The following KIAA1958 variants were observed in gnomAD, a reference collection of about 807,000 sequenced individuals.
KIAA1958 encodes KIAA1958, also known as uncharacterized protein KIAA1958.
A neutral mutation model predicts 47.2 loss-of-function variants in KIAA1958; 14 were observed. The ratio of observed to expected loss-of-function variants is 0.30; its 90% CI spans 0.20 to 0.46. The LOEUF is 0.46. Among genes scored for constraint, KIAA1958 ranks in the 20% least tolerant of loss-of-function variants. KIAA1958 has a pLI of 1.00. For synonymous variants in KIAA1958, 354 were observed against 353.3 expected (o/e 1.00, Z -0.02); for missense variants, 803 against 909.2 (o/e 0.88, Z 1.50).
chr9:112,516,757 G>GA lies in KIAA1958; in HGVS notation c.-25+29645dup, dbSNP rs778120153. Reference sequence around the variant, plus strand: ...TACTGGTATAAGAATTGTTGTTAAAGAAAAAACCTTAGACAAATTAAATTT... The same window carrying GA: ...TACTGGTATAAGAATTGTTGTTAAAGAAAAAAACCTTAGACAAATTAAATTT... On this transcript the variant is annotated intron_variant, in intron 1 of 3. Transcript: ENST00000337530. Among the ~76,000 whole-genome samples the GA allele has an allele frequency of 3.1e-4, 47 of 152,234 alleles. No individual in the cohort carries two copies. In the East Asian group the frequency reaches 8.5e-3, roughly 27 times the overall value.
At chr9:112,487,937 G>C (rs1833894393) in intron 1 of KIAA1958, among the ~76,000 whole-genome samples, 1 of 79,740 alleles carries the variant, frequency 1.3e-5, no homozygotes, top group African/African-American at 6.6e-5. Flanking sequence ...TATGTATTTA[G>C]TGTGTGTGCG....
At chr9:112,527,392 A>G (rs752810379) in intron 1 of KIAA1958, among the ~76,000 whole-genome samples, 1 of 152,186 alleles carries the variant, frequency 6.6e-6, no homozygotes, top group African/African-American at 2.4e-5. Context: ...AAGGAGCTTG[A>G]TATTTTTAAG....
intron 3 of KIAA1958, among the ~76,000 whole-genome samples, chr9:112,655,994 G>C (rs995708841): frequency 1.3e-4 from 20 of 152,094 alleles, no homozygotes; most frequent in Non-Finnish European, 2.4e-4. Context: ...GGGAGTGTCT[G>C]GTGGGAAAGG....
At chr9:112,551,088 T>A (rs1194720744) in intron 1 of KIAA1958, among the ~76,000 whole-genome samples, 2 of 151,962 alleles carry the variant, frequency 1.3e-5, no homozygotes, top group African/African-American at 4.8e-5. Flanking sequence ...TTTCCCTGTT[T>A]TACTATGAGT....
At chr9:112,616,472 T>TAG (rs1313303934) in intron 2 of KIAA1958, among the ~76,000 whole-genome samples, 5 of 152,224 alleles carry the variant, frequency 3.3e-5, no homozygotes, top group African/African-American at 1.2e-4. Context: ...ATGTGGTAAT[T>TAG]AGAAAGACTT....
At chr9:112,615,054 A>G (rs1303814960) in intron 2 of KIAA1958, among the ~76,000 whole-genome samples, 14 of 152,214 alleles carry the variant, frequency 9.2e-5, no homozygotes, top group Non-Finnish European at 2.1e-4. Flanking sequence ...TTTTAAATTG[A>G]CACCCAAAGG....
At position 112,618,310 on chromosome 9, in the gene KIAA1958, T is replaced by C. The variant is rs988995331; in HGVS notation, c.1172-27340T>C. 7.1e-6 allele frequency: 11 copies of C among 1,551,028 alleles called. No homozygotes were observed. The highest frequency in any genetic ancestry group is 2.0e-5 in the Admixed American group (1 of 50,982). ...GGAAAAGGGGACTGCTAAGCCGATA[T>C]AACCCCGAGGGTTTGCTCAACCTAG... On this transcript the variant is annotated intron_variant, in intron 2 of 3. Transcript: ENST00000337530. This position sits in a 1 kb window ranked among gnomAD's most constrained non-coding sequence, Gnocchi z 7.1.
intron 2 of KIAA1958, among the ~76,000 whole-genome samples, chr9:112,615,247 C>T (rs563197777): frequency 7.9e-5 from 12 of 151,786 alleles, no homozygotes; most frequent in African/African-American, 2.4e-4. Context: ...ATGGTGAAAC[C>T]GCATCTCTAC....
chr9:112,508,193 A>T (rs903938723), intron 1 of KIAA1958, among the ~76,000 whole-genome samples: 1 of 152,198 alleles, frequency 6.6e-6, no homozygotes. Flanking sequence ...CGGAGCTTCC[A>T]GGGAAAATTT....
rs10981458 is a variant in KIAA1958 at position 112,622,728 on chromosome 9, T to C, written c.1172-22922T>C. 8.1e-4 allele frequency among the ~76,000 whole-genome samples: 123 copies of C among 152,346 alleles called. 3 individuals are homozygous for C. In the East Asian group the frequency reaches 0.02, roughly 25 times the overall value. On this transcript the variant is annotated intron_variant, in intron 2 of 3. Transcript: ENST00000337530. ...TGGCATACATTTGATCTCTTTGGTT[T>C]TTCAGTTAGATTATTATTAGCTGAA...
chr9:112,539,532 G>C (rs1238895072), intron 1 of KIAA1958, among the ~76,000 whole-genome samples: 1 of 152,014 alleles, frequency 6.6e-6, no homozygotes, highest in Non-Finnish European at 1.5e-5. Flanking sequence ...GGGTTGGGAG[G>C]GGGTAATTAG....
intron 1 of KIAA1958, among the ~76,000 whole-genome samples, chr9:112,549,515 C>G (rs1010724099): frequency 6.6e-6 from 1 of 152,136 alleles, no homozygotes; most frequent in African/African-American, 2.4e-5. Context: ...TTAGTTAGTC[C>G]ACAAGTATTT....
At chr9:112,556,284 A>G (rs1243448190) in intron 1 of KIAA1958, among the ~76,000 whole-genome samples, 3 of 152,130 alleles carry the variant, frequency 2.0e-5, no homozygotes, top group Non-Finnish European at 4.4e-5. Flanking sequence ...TCTCTCTACC[A>G]CGCCTCCATA....
At chr9:112,556,112 T>TG (rs1241854811) in intron 1 of KIAA1958, among the ~76,000 whole-genome samples, 1 of 152,246 alleles carries the variant, frequency 6.6e-6, no homozygotes, top group East Asian at 1.9e-4. Flanking sequence ...AAAACCGCAA[T>TG]GGGGATTAGT....
rs1834542667 is a variant in KIAA1958, at chr9:112,521,473, CA to C, written c.-25+34358del. ...AAGTGACCCTCCCACGTTGGCCTCC[CA>C]AAGAGCTAGAATTACAGGCGTGAGC... is the stretch of plus-strand genomic sequence containing the variant. On this transcript the variant is annotated intron_variant, in intron 1 of 3. Transcript: ENST00000337530. Among the ~76,000 whole-genome samples the C allele has an allele frequency of 2.0e-5, 3 of 152,156 alleles. No individual in the cohort carries two copies. The South Asian group carries it at 6.2e-4, about 32-fold the overall frequency.
chr9:112,569,175 CT>C (rs1232395696), intron 1 of KIAA1958, among the ~76,000 whole-genome samples: 1 of 151,974 alleles, frequency 6.6e-6, no homozygotes, highest in African/African-American at 2.4e-5. Context: ...TTTTGAAATT[CT>C]TGTATGATTC....
rs12335450 is a variant in KIAA1958, at chr9:112,505,097, T to C, written c.-25+17979T>C. Among the ~76,000 whole-genome samples, 5 of 152,178 alleles carry C rather than the reference T, an allele frequency of 3.3e-5. No homozygotes were observed. The East Asian group carries it at 7.7e-4, about 24-fold the overall frequency. Reference sequence around the variant, plus strand: ...TCTGTCTTTCCATTCTCTACCTCCATGTGGTCAAGTTTTTTAGCTTCCATG... The same window carrying C: ...TCTGTCTTTCCATTCTCTACCTCCACGTGGTCAAGTTTTTTAGCTTCCATG... On this transcript the variant is annotated intron_variant, in intron 1 of 3. Transcript: ENST00000337530.
intron 1 of KIAA1958, among the ~76,000 whole-genome samples, chr9:112,503,490 A>G (rs28532709): frequency 6.6e-6 from 1 of 152,026 alleles, no homozygotes; most frequent in African/African-American, 2.4e-5. Flanking sequence ...TCTACAAAAA[A>G]TAAAAAAAAT....
chr9:112,605,033 AT>A (rs1423519971), intron 2 of KIAA1958, among the ~76,000 whole-genome samples: 1 of 146,934 alleles, frequency 6.8e-6, no homozygotes, highest in Non-Finnish European at 1.5e-5. Context: ...GTTTATATAC[AT>A]TATGTATTTT....
Sources: gnomAD v4.1 joint callset for allele counts (sites outside exome capture counted in the v4.1 genomes callset) on GRCh38, gnomAD v4.1.1 for gene constraint, Gnocchi (gnomAD v3.1) non-coding constraint, MANE v1.5 for transcripts, NCBI Gene and HGNC (gene_info 2026-07-23, HGNC 2026-07-21) for gene names.